Variants in ITGA5 observed in about 807,000 individuals in gnomAD.
ITGA5 encodes the protein integrin subunit alpha 5, also known as integrin alpha-5.
A neutral mutation model predicts 146.3 loss-of-function variants in ITGA5; 55 were observed. The ratio of observed to expected loss-of-function variants is 0.38; its 90% CI spans 0.30 to 0.47. The LOEUF is 0.47. ITGA5 is among the 20% of genes least tolerant of loss of function. The pLI is 0.99. For missense variants in ITGA5, 1,131 were observed against 1,329.0 expected (o/e 0.85, Z 2.32); for synonymous variants, 500 against 531.8 (o/e 0.94, Z 0.82).
Position 54,403,857 on chromosome 12 carries a change from C to T in ITGA5, c.1621+54G>A. The T allele has an allele frequency of 6.2e-7, 1 of 1,611,092 alleles. No homozygotes were observed. The highest frequency in any genetic ancestry group is 8.5e-7 in the Non-Finnish European group (1 of 1,177,402). On this transcript the variant is annotated intron_variant, in intron 16 of 29. Coordinates refer to ENST00000293379, the MANE Select transcript of ITGA5 (RefSeq NM_002205.5). This position sits in a 1 kb window ranked among gnomAD's most constrained non-coding sequence, Gnocchi z 4.9. ...GAGAGAAGAAATGTCCCCAGGTCCC[C>T]AGTCCCTTCATTCTCTGTCCTAGGG...
chr12:54,401,387 G>A lies in ITGA5; in HGVS notation c.2479C>T (p.His827Tyr), dbSNP rs116375844. ...QKEEDLGPAV[H>Y]HVYELINQGP... ...TCCCCCCTTACCTCATAGACATGGT[G>A]GACAGCAGGTCCCAGGTCCTCCTCC... Residue 827 changes from histidine (H) to tyrosine (Y), a missense_variant, in exon 24 of 30, where the codon CAC becomes TAC. By Grantham distance (83) the His-to-Tyr change is moderately conservative. Transcript: ENST00000293379. This position sits in a 1 kb window ranked among gnomAD's most constrained non-coding sequence, Gnocchi z 5.0. The A allele has an allele frequency of 2.5e-4, 408 of 1,611,722 alleles. 3 individuals are homozygous for A. The African/African-American group carries it at 5.1e-3, about 20-fold the overall frequency.
rs1051668225 is a variant in ITGA5, at chr12:54,401,439, G to C, written c.2427C>G (p.Asp809Glu). 1.2e-6 allele frequency: 2 copies of C among 1,614,184 alleles called. No individual in the cohort carries two copies. Among genetic ancestry groups the C allele is most frequent in the Non-Finnish European group, 1.7e-6 (2 of 1,180,024 alleles). Residue 809 changes from aspartate (D) to glutamate (E), a missense_variant, in exon 24 of 30, where the codon GAC becomes GAG. This residue lies in a region of ITGA5 where 889 missense variants were observed against 1,021.5 expected (regional missense o/e 0.87). Coordinates refer to ENST00000293379, the MANE Select transcript of ITGA5 (RefSeq NM_002205.5). The surrounding 1 kb of genome is among the most constrained non-coding windows in gnomAD (Gnocchi z 5.0). ...TCTGAGGCTGGTCTCGGGGATGCCA[G>C]TCGCTTACTGGGAATAGCACTGCCT... The part of the protein sequence containing the change: ...KPEAVLFPVS[D>E]WHPRDQPQKE...
chr12:54,404,070 C>G (rs1955827019), intron 15 of ITGA5, 75 bp downstream of exon 15: 4 of 1,567,590 alleles, frequency 2.6e-6, no homozygotes, highest in Non-Finnish European at 2.6e-6. Flanking sequence ...ACCATTTTCC[C>G]CTTTTTAAGG....
chr12:54,398,641 G>A lies in ITGA5; in HGVS notation c.2899C>T (p.Pro967Ser). Reference sequence around the variant, plus strand: ...AGCTGCCGAGGCAGGATTCGGTAGGGCATCTTCAGGGCTTTGTACACAGCC... The same window carrying A: ...AGCTGCCGAGGCAGGATTCGGTAGGACATCTTCAGGGCTTTGTACACAGCC... Reference protein sequence around the residue: ...CEAVYKALKMPYRILPRQLPQ... With the variant: ...CEAVYKALKMSYRILPRQLPQ... The change falls in exon 28 of 30, where the codon CCC becomes TCC. Residue 967 changes from proline (P) to serine (S), a missense_variant. Physicochemically the swap from Pro to Ser is moderately conservative, Grantham distance 74. Transcript: ENST00000293379. The A allele has an allele frequency of 6.2e-7, 1 of 1,611,150 alleles. No homozygotes were observed. Among genetic ancestry groups the A allele is most frequent in the East Asian group, 2.2e-5 (1 of 44,614 alleles).
chr12:54,407,526 T>C lies in ITGA5; in HGVS notation c.906+123A>G, dbSNP rs575974121. Reference sequence around the variant, plus strand: ...GCCAGAGTAAGTGCCAGAACTTGAATGCCAGTCTGCCTCCAGAGCCCATGT... The same window carrying C: ...GCCAGAGTAAGTGCCAGAACTTGAACGCCAGTCTGCCTCCAGAGCCCATGT... On this transcript the variant is annotated intron_variant, in intron 9 of 29. Coordinates refer to ENST00000293379, the MANE Select transcript of ITGA5 (RefSeq NM_002205.5). The C allele has an allele frequency of 7.7e-6, 6 of 783,398 alleles. No individual in the cohort carries two copies. The East Asian group carries it at 1.5e-4, about 20-fold the overall frequency. The allele number at this position is 783,398 out of a possible 1,614,324, so 48.5% of individuals were successfully genotyped here. A position where few individuals can be genotyped will look rare whatever the true frequency, so the allele number is the denominator to read the frequency against.
rs772610449 is a variant in ITGA5, at chr12:54,399,713, G to A, written c.2773C>T (p.Pro925Ser). The A allele has an allele frequency of 6.2e-7, 1 of 1,614,190 alleles. No homozygotes were observed. The highest frequency in any genetic ancestry group is 8.5e-7 in the Non-Finnish European group (1 of 1,180,028). ...CTTTGGCTCTCTTGTTGGTGCAGGG[G>A]CCCGAGCTCACAGCGCAGCCTGAAA... is the stretch of plus-strand genomic sequence containing the variant. ...ECFRLRCELG[P>S]LHQQESQSLQ... is the part of the protein sequence containing the mutation. The change falls in exon 27 of 30, where the codon CCC becomes TCC. Residue 925 changes from proline to serine, a missense_variant. Pro to Ser is a moderately conservative substitution (Grantham distance 74). This residue lies in a region of ITGA5 where 889 missense variants were observed against 1,021.5 expected (regional missense o/e 0.87). Transcript: ENST00000293379.
chr12:54,397,421 G>C lies in ITGA5; in HGVS notation c.3010C>G (p.Leu1004Val). ...SYGVPLWIIILAILFGLLLLG... is the reference protein window; with the variant it reads ...SYGVPLWIIIVAILFGLLLLG... ...AGCAGGAGGCCAAACAGGATGGCTA[G>C]GATGATGATCCACAGTGGGACGCCA... Residue 1004 changes from leucine (L) to valine (V), a missense_variant, in exon 29 of 30, where the codon CTA (leucine) becomes GTA (valine). Physicochemically the swap from Leu to Val is conservative, Grantham distance 32. This residue lies in a region of ITGA5 where 889 missense variants were observed against 1,021.5 expected (regional missense o/e 0.87). Transcript: ENST00000293379. 3 of 1,614,128 alleles carry C rather than the reference G, an allele frequency of 1.9e-6. No individual in the cohort carries two copies. The South Asian group carries it at 3.3e-5, about 18-fold the overall frequency.
At position 54,405,721 on chromosome 12, in the gene ITGA5, G is replaced by C; in HGVS notation, c.964-5C>G. On this transcript the variant is annotated splice_polypyrimidine_tract_variant and splice_region_variant and intron_variant, in intron 10 of 29. Transcript: ENST00000293379. ...ATAGCCAAAGTAGGAGGCCATCTGG[G>C]GAGGACAAAGGGGCAGCGCTGGGTC... The C allele has an allele frequency of 6.2e-7, 1 of 1,614,032 alleles. No individual in the cohort carries two copies.
At chr12:54,415,432 A>G (rs2120577903) in intron 1 of ITGA5, among the ~76,000 whole-genome samples, 1 of 152,308 alleles carries the variant, frequency 6.6e-6, no homozygotes, top group East Asian at 1.9e-4. Flanking sequence ...ACTCCCTAAG[A>G]AAAAGTTCAA....
At chr12:54,415,783 C>T (rs890158883) in intron 1 of ITGA5, among the ~76,000 whole-genome samples, 4 of 152,210 alleles carry the variant, frequency 2.6e-5, no homozygotes, top group South Asian at 4.1e-4. Flanking sequence ...GAGGAGGACA[C>T]CTGGTTTGGG....
In ITGA5 at chr12:54,404,204, G is replaced by A. The variant is rs1308478443; in HGVS notation, c.1506C>T (p.Phe502=). 1 of 1,602,618 alleles carries A rather than the reference G, an allele frequency of 6.2e-7. No homozygotes were observed. Among genetic ancestry groups the A allele is most frequent in the Non-Finnish European group, 8.5e-7 (1 of 1,174,216 alleles). The change falls in exon 15 of 30, where the codon TTC becomes TTT. Residue 502 remains phenylalanine (F), a synonymous_variant. Transcript: ENST00000293379. ...IVSASASLTI[F]PAMFNPEERS... ...GCTCCTCTGGGTTGAACATGGCGGG[G>A]AAGATGGTGAGGGAGGCACTAGCGG...
At chr12:54,417,652 G>A (rs181034664) in intron 1 of ITGA5, among the ~76,000 whole-genome samples, 1 of 152,224 alleles carries the variant, frequency 6.6e-6, no homozygotes, top group East Asian at 1.9e-4. Context: ...GGACTGAGTA[G>A]AGATCAGTTA....
intron 1 of ITGA5, chr12:54,413,170 G>A (rs1955968255): frequency 6.6e-6 from 1 of 152,364 alleles, no homozygotes; most frequent in Admixed American, 6.5e-5. Context: ...CACTAGGCAA[G>A]AAGGCCCAAA....
Position 54,400,868 on chromosome 12 carries a change from G to A in ITGA5, c.2621C>T (p.Pro874Leu), listed in dbSNP as rs138908099. 11 of 1,613,940 alleles carry A rather than the reference G, an allele frequency of 6.8e-6. No homozygotes were observed. The African/African-American group carries it at 1.3e-4, about 20-fold the overall frequency. The change falls in exon 25 of 30, where the codon CCC becomes CTC. Residue 874 changes from proline (P) to leucine (L), a missense_variant. This residue lies in a region of ITGA5 where 889 missense variants were observed against 1,021.5 expected (regional missense o/e 0.87). Transcript: ENST00000293379. ...CACCTCCAGGCCCTTTGGGTTAATG[G>A]GGTGATTGGTGGTGCAGTTGAGTCC... ...VTGLNCTTNHPINPKGLELDP... is the reference protein window; with the variant it reads ...VTGLNCTTNHLINPKGLELDP...
chr12:54,407,628 AG>A lies in ITGA5; in HGVS notation c.906+20del. On this transcript the variant is annotated intron_variant, in intron 9 of 29. Transcript: ENST00000293379. ...ATTAGGCAGGGGAGGAGAGGAAGTG[AG>A]GGGTCAGGCTGGGTCTTACATAGCC... 1 of 1,602,576 alleles carries A rather than the reference AG, an allele frequency of 6.2e-7. No homozygotes were observed. Among genetic ancestry groups the A allele is most frequent in the South Asian group, 1.1e-5 (1 of 90,808 alleles).
At chr12:54,414,342 G>C (rs1955979812) in intron 1 of ITGA5, among the ~76,000 whole-genome samples, 1 of 152,198 alleles carries the variant, frequency 6.6e-6, no homozygotes, top group Non-Finnish European at 1.5e-5. Flanking sequence ...AGGGGTCTAA[G>C]AAGGTAACAA....
Position 54,409,607 on chromosome 12 carries a change from G to A in ITGA5, c.350-10C>T. 6.3e-7 allele frequency: 1 copy of A among 1,583,502 alleles called. No homozygotes were observed. Among genetic ancestry groups the A allele is most frequent in the Non-Finnish European group, 8.7e-7 (1 of 1,155,646 alleles). ...TCCAGGAGCCGAGAGCCTTGTGGAAGTGAGAAGGGGGAGTCTTACTGAGCC... is the reference window on the plus strand; with the variant it reads ...TCCAGGAGCCGAGAGCCTTGTGGAAATGAGAAGGGGGAGTCTTACTGAGCC... On this transcript the variant is annotated splice_polypyrimidine_tract_variant and intron_variant, in intron 2 of 29. Coordinates refer to ENST00000293379, the MANE Select transcript of ITGA5 (RefSeq NM_002205.5). This position sits in a 1 kb window ranked among gnomAD's most constrained non-coding sequence, Gnocchi z 4.7.
At position 54,397,473 on chromosome 12, in the gene ITGA5, C is replaced by T; in HGVS notation, c.2958G>A (p.Val986=). ...PQKERQVATA[V]QWTKAEGSYG... is the part of the protein sequence containing the mutation. ...AGCTGCCTTCTGCCTTGGTCCATTG[C>T]ACAGCTGTGGCCACCTGGGGAGCAA... Residue 986 remains valine, a synonymous_variant, in exon 29 of 30, where the codon GTG becomes GTA. Coordinates refer to ENST00000293379, the MANE Select transcript of ITGA5 (RefSeq NM_002205.5). The T allele has an allele frequency of 6.2e-7, 1 of 1,614,072 alleles. No individual in the cohort carries two copies. Among genetic ancestry groups the T allele is most frequent in the Non-Finnish European group, 8.5e-7 (1 of 1,180,002 alleles).
At chr12:54,400,265 G>A in intron 25 of ITGA5, 1 of 329,282 alleles carries the variant, frequency 3.0e-6, no homozygotes, top group Non-Finnish European at 5.6e-6. Flanking sequence ...TTATCTTTCA[G>A]GCCTCAGTTC....
Sources: allele counts gnomAD v4.1 joint callset (sites outside exome capture counted in the v4.1 genomes callset), GRCh38; gene constraint gnomAD v4.1.1; regional missense constraint gnomAD v4.1.1; non-coding constraint Gnocchi (gnomAD v3.1); transcripts MANE v1.5; gene names NCBI Gene and HGNC (gene_info 2026-07-23, HGNC 2026-07-21).